The following CHLSN variants were observed in gnomAD, a reference collection of about 807,000 sequenced individuals.
CHLSN encodes protein cholesin.
chr7:1,083,484 C>T, the CHLSN span, among the ~76,000 whole-genome samples: 3 of 152,062 alleles, frequency 2.0e-5, no homozygotes, highest in East Asian at 1.9e-4. Flanking sequence ...AAAAATTAGC[C>T]GGGCCTGGTG....
chr7:1,099,034 G>A, the CHLSN span, among the ~76,000 whole-genome samples: 2 of 152,272 alleles, frequency 1.3e-5, no homozygotes, highest in African/African-American at 2.4e-5. Flanking sequence ...TCAAGCGCCG[G>A]GCTGTGTTCC....
chr7:1,097,374 T>G, the CHLSN span, among the ~76,000 whole-genome samples: 4 of 152,258 alleles, frequency 2.6e-5, no homozygotes, highest in Admixed American at 2.6e-4. This position sits in a 1 kb window ranked among gnomAD's most constrained non-coding sequence, Gnocchi z 4.3. Context: ...CACGGTGTCC[T>G]CGCCAAAGCT....
the CHLSN span, among the ~76,000 whole-genome samples, chr7:1,104,077 G>A: frequency 6.6e-6 from 1 of 152,182 alleles, no homozygotes; most frequent in African/African-American, 2.4e-5. Flanking sequence ...CACAGGTTTC[G>A]CCCCATCTGG....
chr7:1,057,708 T>A, the CHLSN span: 23 of 775,718 alleles, frequency 3.0e-5, no homozygotes, highest in Non-Finnish European at 5.3e-5. Flanking sequence ...GCCGGACGTG[T>A]ACTTTGTCAA....
chr7:984,264 T>C, the CHLSN span: 1 of 1,092,414 alleles, frequency 9.2e-7, no homozygotes, highest in Non-Finnish European at 1.3e-6. Context: ...CCTGCACCAC[T>C]GGCTTTATGG....
the CHLSN span, among the ~76,000 whole-genome samples, chr7:1,065,018 C>T: frequency 2.0e-5 from 3 of 151,962 alleles, no homozygotes; most frequent in Non-Finnish European, 4.4e-5. Flanking sequence ...CATCACAGGA[C>T]GCTTTCTGCA....
the CHLSN span, among the ~76,000 whole-genome samples, chr7:1,111,911 G>A: frequency 1.3e-5 from 2 of 152,090 alleles, no homozygotes; most frequent in Admixed American, 6.5e-5. Context: ...CAGCACACGC[G>A]GCTGCTACAG....
the CHLSN span, among the ~76,000 whole-genome samples, chr7:1,134,974 C>A: frequency 6.6e-6 from 1 of 152,204 alleles, no homozygotes; most frequent in Admixed American, 6.5e-5. Flanking sequence ...GCCCCAAACA[C>A]CCTACCACAA....
chr7:999,335 G>C, the CHLSN span, among the ~76,000 whole-genome samples: 1 of 152,244 alleles, frequency 6.6e-6, no homozygotes, highest in Admixed American at 6.5e-5. Flanking sequence ...CCGGGCGTGA[G>C]GGTTTCCAGG....
At chr7:1,090,764 A>G in the CHLSN span, among the ~76,000 whole-genome samples, 2 of 152,250 alleles carry the variant, frequency 1.3e-5, no homozygotes, top group Admixed American at 1.3e-4. Context: ...CAGCATTGCA[A>G]AAACATATTA....
the CHLSN span, among the ~76,000 whole-genome samples, chr7:1,118,863 T>TA: frequency 9.5e-4 from 143 of 150,842 alleles, 1 homozygote; most frequent in Non-Finnish European, 1.3e-3. Flanking sequence ...ATATTTTTTT[T>TA]TAAAAAAACT....
the CHLSN span, chr7:1,056,381 G>A: frequency 6.6e-6 from 1 of 152,470 alleles, no homozygotes; most frequent in Non-Finnish European, 1.5e-5. Context: ...CCCTCACTGC[G>A]GCTGCTGGGC....
At chr7:1,039,057 T>C in the CHLSN span, among the ~76,000 whole-genome samples, 1 of 40,248 alleles carries the variant, frequency 2.5e-5, no homozygotes. Flanking sequence ...GGGAGGGAGG[T>C]GGGGGGGGTC....
the CHLSN span, among the ~76,000 whole-genome samples, chr7:993,874 C>T: frequency 4.7e-4 from 71 of 149,676 alleles, no homozygotes; most frequent in Non-Finnish European, 8.8e-4. Flanking sequence ...AGTGAGCAGA[C>T]GGCACTTGGT....
the CHLSN span, among the ~76,000 whole-genome samples, chr7:990,582 A>G: frequency 2.0e-5 from 3 of 151,794 alleles, no homozygotes; most frequent in Admixed American, 2.0e-4. Context: ...CAGGCCTCAC[A>G]CTCCCAGGTG....
the CHLSN span, among the ~76,000 whole-genome samples, chr7:1,040,274 T>A: frequency 6.6e-6 from 1 of 151,142 alleles, no homozygotes; most frequent in Non-Finnish European, 1.5e-5. Context: ...GAGGATTGCT[T>A]GAGGCCAGGA....
At chr7:1,126,747 G>T in the CHLSN span, among the ~76,000 whole-genome samples, 5 of 152,194 alleles carry the variant, frequency 3.3e-5, no homozygotes, top group Non-Finnish European at 7.3e-5. Context: ...GTGAATGGTG[G>T]TGGATACTCA....
the CHLSN span, among the ~76,000 whole-genome samples, chr7:1,016,201 G>A: frequency 5.6e-4 from 19 of 33,872 alleles, no homozygotes; most frequent in South Asian, 2.4e-3. Flanking sequence ...ACACAGCAGC[G>A]CACGCCAGCA....
At chr7:997,701 A>G in the CHLSN span, 1 of 1,611,222 alleles carries the variant, frequency 6.2e-7, no homozygotes, top group Middle Eastern at 1.7e-4. Flanking sequence ...CTCCTCATCC[A>G]GCTCCCGCAT....
Sources: gnomAD v4.1 joint callset for allele counts (sites outside exome capture counted in the v4.1 genomes callset) on GRCh38, gnomAD v4.1.1 for gene constraint, Gnocchi (gnomAD v3.1) non-coding constraint, MANE v1.5 for transcripts, NCBI Gene and HGNC (gene_info 2026-07-23, HGNC 2026-07-21) for gene names.